The following NHEJ1 variants were observed in gnomAD, a reference collection of about 807,000 sequenced individuals.
The protein encoded by NHEJ1 is non-homologous end-joining factor 1.
A neutral mutation model predicts 39.4 loss-of-function variants in NHEJ1; 22 were observed. The ratio of observed to expected loss-of-function variants is 0.56; its 90% CI spans 0.40 to 0.80. The LOEUF (loss-of-function observed/expected upper bound fraction) is 0.80. Ranked by LOEUF, NHEJ1 falls within the 30% of genes least tolerant of loss-of-function variation. The pLI, the probability that NHEJ1 is intolerant of heterozygous loss-of-function variation, is 0.00. For missense variants in NHEJ1, 329 were observed against 357.1 expected, an observed-to-expected ratio of 0.92 and a Z score of 0.63; for synonymous variants, 154 against 135.6, an observed-to-expected ratio of 1.14 and a Z score of -0.94.
Position 219,071,706 on chromosome 2 carries a change from C to T in NHEJ1, c.*4675G>A, listed in dbSNP as rs142896757. Among the ~76,000 whole-genome samples, 39 of 152,312 alleles carry T rather than the reference C, an allele frequency of 2.6e-4. No homozygotes were observed. Among genetic ancestry groups the T allele is most frequent in the African/African-American group, 8.9e-4 (37 of 41,554 alleles). On this transcript the variant is annotated 3_prime_UTR_variant, in exon 8 of 8. Coordinates refer to ENST00000356853, the MANE Select transcript of NHEJ1 (RefSeq NM_024782.3). ...CCCAGCAGGACAAGTAATCCTAGCA[C>T]AATCTTCCCAGGTGAGTCAATGGCT... is the stretch of plus-strand genomic sequence containing the variant.
chr2:219,092,193 C>T (rs1949166832), intron 5 of NHEJ1, among the ~76,000 whole-genome samples: 1 of 151,622 alleles, frequency 6.6e-6, no homozygotes, highest in Admixed American at 6.6e-5. Context: ...TACTCAGAGG[C>T]TAAGAAGGGA....
chr2:219,098,042 C>T lies in NHEJ1; in HGVS notation c.589-19836G>A, dbSNP rs548125147. On this transcript the variant is annotated intron_variant, in intron 5 of 7. Transcript: ENST00000356853. ...TGAAAGTATGTCGAGAAGGACTGGGCGACCAACTCTATCAAATGCTGTTTG... is the reference window on the plus strand; with the variant it reads ...TGAAAGTATGTCGAGAAGGACTGGGTGACCAACTCTATCAAATGCTGTTTG... Among the ~76,000 whole-genome samples the T allele has an allele frequency of 2.6e-5, 4 of 152,226 alleles. No individual in the cohort carries two copies. In the South Asian group the frequency reaches 6.2e-4, roughly 24 times the overall value.
chr2:219,128,651 G>A (rs1474506644), intron 5 of NHEJ1, among the ~76,000 whole-genome samples: 1 of 152,116 alleles, frequency 6.6e-6, no homozygotes, highest in Admixed American at 6.5e-5. Flanking sequence ...TTTGTTTTGG[G>A]AAAACAAGAG....
chr2:219,092,276 AGAGT>A (rs967902789), intron 5 of NHEJ1, among the ~76,000 whole-genome samples: 1 of 151,604 alleles, frequency 6.6e-6, no homozygotes, highest in African/African-American at 2.4e-5. Context: ...CCTGAGTGAC[AGAGT>A]GAGACACTGC....
intron 5 of NHEJ1, among the ~76,000 whole-genome samples, chr2:219,086,071 A>G (rs1949108955): frequency 6.6e-6 from 1 of 152,220 alleles, no homozygotes; most frequent in South Asian, 2.1e-4. Flanking sequence ...CTTGAATAAT[A>G]TTAGTAAAAT....
intron 5 of NHEJ1, among the ~76,000 whole-genome samples, chr2:219,129,583 C>G (rs1949556957): frequency 1.3e-5 from 2 of 152,192 alleles, no homozygotes; most frequent in Admixed American, 1.3e-4. Context: ...CTAATTTGTC[C>G]TGTAAGGGGA....
rs11887089 is a variant in NHEJ1, at chr2:219,073,223, C to A, written c.*3158G>T. ...AGAGCATAGAAGCACAGATCTCACT[C>A]TTCGCCACCTTACACCATAGGAATT... On this transcript the variant is annotated 3_prime_UTR_variant, in exon 8 of 8. Transcript: ENST00000356853. Among the ~76,000 whole-genome samples the A allele has an allele frequency of 6.6e-6, 1 of 152,156 alleles. No individual in the cohort carries two copies. The highest frequency in any genetic ancestry group is 1.5e-5 in the Non-Finnish European group (1 of 68,034).
chr2:219,074,043 G>GGTAA lies in NHEJ1; in HGVS notation c.*2334_*2337dup, dbSNP rs1203694155. Among the ~76,000 whole-genome samples, 3 of 152,236 alleles carry GGTAA rather than the reference G, an allele frequency of 2.0e-5. 1 individual carries two copies. In the East Asian group the frequency reaches 5.8e-4, roughly 29 times the overall value. On this transcript the variant is annotated 3_prime_UTR_variant, in exon 8 of 8. Transcript: ENST00000356853. ...TCAACCACTACCCCTAGCTTTGCGG[G>GGTAA]GTAAGGGCTTCGGGGCAAGAATGCC...
intron 5 of NHEJ1, among the ~76,000 whole-genome samples, chr2:219,113,454 A>AT (rs1469982511): frequency 6.6e-6 from 1 of 152,132 alleles, no homozygotes. Context: ...ATATATATGT[A>AT]TTTTTTGTAA....
Position 219,076,442 on chromosome 2 carries a change from G to C in NHEJ1, c.839C>G (p.Pro280Arg). 1.9e-6 allele frequency: 3 copies of C among 1,614,066 alleles called. No homozygotes were observed. The highest frequency in any genetic ancestry group is 2.5e-6 in the Non-Finnish European group (3 of 1,180,020). ...PEKESTGTSG[P>R]LQRPQLSKVK... Reference sequence around the variant, plus strand: ...CTTTGACAGCTGAGGTCTCTGCAGAGGGCCTGAAGTACCCTAGAAAAAAGG... The same window carrying C: ...CTTTGACAGCTGAGGTCTCTGCAGACGGCCTGAAGTACCCTAGAAAAAAGG... The change falls in exon 8 of 8, where the codon CCT becomes CGT. Residue 280 changes from proline to arginine, a missense_variant. Pro to Arg is a moderately radical substitution (Grantham distance 103). Coordinates refer to ENST00000356853, the MANE Select transcript of NHEJ1 (RefSeq NM_024782.3).
At chr2:219,118,793 C>A (rs1475237683) in intron 5 of NHEJ1, among the ~76,000 whole-genome samples, 1 of 152,174 alleles carries the variant, frequency 6.6e-6, no homozygotes, top group Non-Finnish European at 1.5e-5. Flanking sequence ...CTGGAGACAG[C>A]CCGGCGGGCT....
chr2:219,158,355 T>C lies in NHEJ1; in HGVS notation c.8A>G (p.Glu3Gly), dbSNP rs769965836. The change falls in exon 2 of 8, where the codon GAA becomes GGA. Residue 3 changes from glutamate to glycine, a missense_variant. Physicochemically the swap from Glu to Gly is moderately conservative, Grantham distance 98 (BLOSUM62 -2). Transcript: ENST00000356853. ME[E>G]LEQGLLMQPW... ...CTGCATCAACAGGCCTTGCTCCAGT[T>C]CTTCCATCTGCAAAAAAGTCCTCAT... is the stretch of plus-strand genomic sequence containing the variant. 1.2e-6 allele frequency: 2 copies of C among 1,614,112 alleles called. No individual in the cohort carries two copies. The highest frequency in any genetic ancestry group is 2.2e-5 in the South Asian group (2 of 91,088).
At chr2:219,077,866 A>G (rs1949028663) in intron 6 of NHEJ1, among the ~76,000 whole-genome samples, 1 of 152,164 alleles carries the variant, frequency 6.6e-6, no homozygotes, top group African/African-American at 2.4e-5. Context: ...AATGATGGAA[A>G]TGTTCTGTGT....
rs1261301972 is a variant in NHEJ1 at position 219,074,004 on chromosome 2, A to G, written c.*2377T>C. On this transcript the variant is annotated 3_prime_UTR_variant, in exon 8 of 8. Coordinates refer to ENST00000356853, the MANE Select transcript of NHEJ1 (RefSeq NM_024782.3). Reference sequence around the variant, plus strand: ...GCAGGGATTTCCCTGGAGTTGCCTTAGGATGAATGATTCTCAACCACTACC... The same window carrying G: ...GCAGGGATTTCCCTGGAGTTGCCTTGGGATGAATGATTCTCAACCACTACC... Among the ~76,000 whole-genome samples the G allele has an allele frequency of 2.0e-5, 3 of 152,232 alleles. No individual in the cohort carries two copies. The highest frequency in any genetic ancestry group is 7.2e-5 in the African/African-American group (3 of 41,466).
intron 5 of NHEJ1, among the ~76,000 whole-genome samples, chr2:219,131,112 A>C (rs1392165467): frequency 6.6e-6 from 1 of 152,048 alleles, no homozygotes; most frequent in African/African-American, 2.4e-5. Flanking sequence ...AAAACAAACA[A>C]ACTGCAGCTT....
intron 5 of NHEJ1, among the ~76,000 whole-genome samples, chr2:219,108,139 AGCTTTGTCC>A (rs1949330975): frequency 6.6e-6 from 1 of 152,174 alleles, no homozygotes; most frequent in South Asian, 2.1e-4. Flanking sequence ...AAGAAAATCT[AGCTTTGTCC>A]AGCCCAGGAA....
chr2:219,137,616 C>CAGAAT (rs1400009650), intron 5 of NHEJ1, among the ~76,000 whole-genome samples: 1 of 118,800 alleles, frequency 8.4e-6, no homozygotes, highest in African/African-American at 2.9e-5. Context: ...AAACCACCTT[C>CAGAAT]AGAATAAAAC....
At chr2:219,104,874 T>C (rs771006563) in intron 5 of NHEJ1, among the ~76,000 whole-genome samples, 12 of 152,228 alleles carry the variant, frequency 7.9e-5, no homozygotes, top group Non-Finnish European at 1.5e-4. Context: ...GCAAAGGCAA[T>C]TGCAGACTTG....
chr2:219,113,698 T>C (rs961954285), intron 5 of NHEJ1, among the ~76,000 whole-genome samples: 7 of 152,096 alleles, frequency 4.6e-5, no homozygotes, highest in African/African-American at 1.7e-4. Flanking sequence ...CTATAAACTA[T>C]AGAGAAGTGG....
Sources: allele counts gnomAD v4.1 joint callset (sites outside exome capture counted in the v4.1 genomes callset), GRCh38; gene constraint gnomAD v4.1.1; transcripts MANE v1.5; gene names NCBI Gene and HGNC (gene_info 2026-07-23, HGNC 2026-07-21).